Variants in PRKCH observed in about 807,000 individuals in gnomAD.
PRKCH encodes the protein protein kinase C eta type.
In PRKCH, 28 loss-of-function variants were observed where a neutral mutation model predicts 82.5. That is an observed-to-expected ratio of 0.34 (90% confidence interval 0.25 to 0.47). The LOEUF is 0.47. PRKCH is among the 20% of genes least tolerant of loss of function. The pLI, the probability that PRKCH is intolerant of heterozygous loss-of-function variation, is 1.00. For missense variants in PRKCH, 705 were observed against 881.8 expected (o/e 0.80, Z 2.54); for synonymous variants, 322 against 327.4 (o/e 0.98, Z 0.18).
At chr14:61,395,290 G>GCGC (rs1555383073) in intron 2 of PRKCH, among the ~76,000 whole-genome samples, 4,066 of 124,334 alleles carry the variant, frequency 0.033, 166 homozygotes, top group Non-Finnish European at 0.052. Flanking sequence ...AGGAAATGGA[G>GCGC]CCCCCCCCCG....
chr14:61,451,823 C>T (rs1884521760), intron 6 of PRKCH, among the ~76,000 whole-genome samples: 1 of 152,200 alleles, frequency 6.6e-6, no homozygotes, highest in South Asian at 2.1e-4. Flanking sequence ...CCATTGACTG[C>T]TTGGACTTAC....
chr14:61,271,532 G>A (rs769397379), intron 1 of PRKCH, among the ~76,000 whole-genome samples: 4 of 152,206 alleles, frequency 2.6e-5, no homozygotes, highest in Non-Finnish European at 1.5e-5. Flanking sequence ...AGGATGAGAA[G>A]TTGACTCCTT....
intron 1 of PRKCH, among the ~76,000 whole-genome samples, chr14:61,328,223 G>T (rs1272756501): frequency 7.8e-6 from 1 of 127,798 alleles, no homozygotes; most frequent in Non-Finnish European, 1.6e-5. Flanking sequence ...GCGGTCCGCA[G>T]TCCGGCCTGG....
chr14:61,325,281 G>C (rs1001439422), intron 1 of PRKCH, among the ~76,000 whole-genome samples: 14 of 152,146 alleles, frequency 9.2e-5, no homozygotes, highest in African/African-American at 3.4e-4. Flanking sequence ...ACAGATCAGT[G>C]GAATGAATAG....
chr14:61,503,479 A>G (rs7160922), intron 10 of PRKCH, among the ~76,000 whole-genome samples: 14,116 of 152,208 alleles, frequency 0.093, 1,314 homozygotes, highest in African/African-American at 0.24. Context: ...GCCACGCTCA[A>G]CAGAGCTTGA....
Position 61,192,370 on chromosome 14 carries a change from C to T in PRKCH, c.-19+4702C>T, listed in dbSNP as rs184947636. ...CCTAGGTTTCTTCATCTGTTAAATA[C>T]AGATAAAGGTGTTCATTCTGAAAAG... is the stretch of plus-strand genomic sequence containing the variant. On this transcript the variant is annotated intron_variant, in intron 1 of 3. Coordinates refer to the PRKCH transcript ENST00000555185. 2.6e-5 allele frequency among the ~76,000 whole-genome samples: 4 copies of T among 152,210 alleles called. No homozygotes were observed. In the East Asian group the frequency reaches 7.7e-4, roughly 29 times the overall value.
chr14:61,450,774 AT>A (rs1164415006), intron 5 of PRKCH, 67 bp from the exon 6 acceptor site: 1 of 1,559,154 alleles, frequency 6.4e-7, no homozygotes, highest in African/African-American at 1.4e-5. Context: ...ATGGGCTCCT[AT>A]TACAGTTTTT....
At chr14:61,307,709 A>G in intron 1 of PRKCH, among the ~76,000 whole-genome samples, 1 of 152,184 alleles carries the variant, frequency 6.6e-6, no homozygotes, top group East Asian at 1.9e-4. Context: ...TTATCATAAA[A>G]CATTCATTCT....
chr14:61,449,134 A>C, intron 4 of PRKCH, 30 bp from the exon 5 acceptor site: 1 of 1,596,272 alleles, frequency 6.3e-7, no homozygotes, highest in Non-Finnish European at 8.6e-7. Flanking sequence ...GCTTCTGATA[A>C]ATGTATAATT....
chr14:61,369,638 A>G (rs2140171372), intron 1 of PRKCH, among the ~76,000 whole-genome samples: 1 of 152,250 alleles, frequency 6.6e-6, no homozygotes, highest in African/African-American at 2.4e-5. Context: ...AATGTAGTAT[A>G]TATTGAGAAA....
chr14:61,480,664 A>G (rs1229475769), intron 9 of PRKCH, among the ~76,000 whole-genome samples: 3 of 152,184 alleles, frequency 2.0e-5, no homozygotes, highest in Non-Finnish European at 4.4e-5. Flanking sequence ...TTATAATTCT[A>G]GTAGAGACTG....
At position 61,387,585 on chromosome 14, in the gene PRKCH, A is replaced by G. The variant is rs138669874; in HGVS notation, c.364-3640A>G. On this transcript the variant is annotated intron_variant, in intron 1 of 13. Transcript: ENST00000332981. ...AATAGGCCAGCTGTTAAGGTAGTGA[A>G]TTGGTTGTCACTGGGGGGTATCTAA... 7.0e-4 allele frequency among the ~76,000 whole-genome samples: 106 copies of G among 152,286 alleles called. 2 individuals are homozygous for G. The South Asian group carries it at 8.1e-3, about 12-fold the overall frequency.
intron 7 of PRKCH, among the ~76,000 whole-genome samples, chr14:61,454,035 A>G (rs1019499967): frequency 3.9e-5 from 6 of 152,154 alleles, no homozygotes; most frequent in African/African-American, 1.2e-4. Flanking sequence ...AATAATGAGC[A>G]TGAGCAACAA....
chr14:61,322,595 G>C, intron 1 of PRKCH, 131 bp downstream of exon 1: 1 of 1,355,634 alleles, frequency 7.4e-7, no homozygotes, highest in Non-Finnish European at 9.8e-7. Context: ...TTTGGTCTTC[G>C]TCCACGTGGC....
At chr14:61,400,527 G>A (rs1030971128) in intron 2 of PRKCH, among the ~76,000 whole-genome samples, 25 of 152,264 alleles carry the variant, frequency 1.6e-4, no homozygotes, top group Non-Finnish European at 3.1e-4. Context: ...TGGGAGAATA[G>A]GAACTGGAAA....
rs545634869 is a variant in PRKCH, at chr14:61,280,571, G to T, written c.-19+92903G>T. The T allele has an allele frequency of 1.5e-5, 24 of 1,604,860 alleles. No homozygotes were observed. The highest frequency in any genetic ancestry group is 2.0e-5 in the Non-Finnish European group (23 of 1,176,200). On this transcript the variant is annotated intron_variant, in intron 1 of 3. Transcript: ENST00000555185. The surrounding 1 kb of genome is among the most constrained non-coding windows in gnomAD (Gnocchi z 5.0). ...TCGGTCCACCAGGCGATGCCGGAGC[G>T]GTCGAGCGGCACCTCGACGTAGGGC...
intron 1 of PRKCH, among the ~76,000 whole-genome samples, chr14:61,377,466 C>A (rs1164681354): frequency 6.6e-6 from 1 of 150,734 alleles, no homozygotes; most frequent in Non-Finnish European, 1.5e-5. Flanking sequence ...ATTTCTTTCC[C>A]TTTAAAACAT....
At position 61,391,251 on chromosome 14, in the gene PRKCH, A is replaced by G. The variant is rs2230499; in HGVS notation, c.390A>G (p.Val130=). 0.18 allele frequency: 281,992 copies of G among 1,607,174 alleles called. 27,807 individuals are homozygous for G. Among genetic ancestry groups the G allele is most frequent in the African/African-American group, 0.42 (31,096 of 74,456 alleles). ...TGGATCTCGAGCCAGAGGGGAAAGT[A>G]TTTGTGGTAATAACCCTTACCGGGA... ...GWVDLEPEGK[V]FVVITLTGSF... Residue 130 remains valine (V), a synonymous_variant, in exon 2 of 14, where the codon GTA becomes GTG. Transcript: ENST00000332981.
intron 1 of PRKCH, among the ~76,000 whole-genome samples, chr14:61,240,138 G>A (rs1252456950): frequency 6.6e-6 from 1 of 151,382 alleles, no homozygotes; most frequent in Non-Finnish European, 1.5e-5. Flanking sequence ...TGGGTCCTTT[G>A]TCTCACACTG....
Sources: gnomAD v4.1 joint callset for allele counts (sites outside exome capture counted in the v4.1 genomes callset) on GRCh38, gnomAD v4.1.1 for gene constraint, Gnocchi (gnomAD v3.1) non-coding constraint, MANE v1.5 for transcripts, NCBI Gene and HGNC (gene_info 2026-07-23, HGNC 2026-07-21) for gene names.